The following LRRC72 variants were observed in gnomAD, a reference collection of about 807,000 sequenced individuals.
LRRC72 encodes the protein leucine rich repeat containing 72, also known as leucine-rich repeat-containing protein 72.
A neutral mutation model predicts 35.8 loss-of-function variants in LRRC72; 41 were observed. The ratio of observed to expected loss-of-function variants is 1.15; its 90% CI spans 0.89 to 1.49. The LOEUF is 1.49. Among genes scored for constraint, LRRC72 ranks in the 40% most tolerant of loss-of-function variants. The pLI is 0.00. For missense variants in LRRC72, 389 were observed against 330.7 expected, an observed-to-expected ratio of 1.18 and a Z score of -1.37; for synonymous variants, 118 against 119.2, an observed-to-expected ratio of 0.99 and a Z score of 0.07.
At chr7:16,533,484 T>G (rs1782202896) in intron 2 of LRRC72, among the ~76,000 whole-genome samples, 1 of 152,142 alleles carries the variant, frequency 6.6e-6, no homozygotes, top group African/African-American at 2.4e-5. Context: ...CCCCTTACTT[T>G]GTGCTTTTTA....
rs538487365 is a variant in LRRC72 at position 16,562,152 on chromosome 7, C to T, written c.427+3153C>T. ...GCTGCAGAGTGTGAGGTCCTGGGAA[C>T]TGGAATTCCTGTCTTCAGGCAGAGT... On this transcript the variant is annotated intron_variant, in intron 5 of 8. Coordinates refer to ENST00000401542, the MANE Select transcript of LRRC72 (RefSeq NM_001195280.2). Among the ~76,000 whole-genome samples the T allele has an allele frequency of 3.9e-5, 6 of 152,262 alleles. No homozygotes were observed. In the South Asian group the frequency reaches 1.2e-3, roughly 32 times the overall value.
chr7:16,530,411 T>C (rs1412659365), intron 1 of LRRC72: 1 of 152,236 alleles, frequency 6.6e-6, no homozygotes, highest in Non-Finnish European at 1.5e-5. Context: ...TATCCACCCC[T>C]GTTGGCGAGG....
chr7:16,573,310 T>A (rs1316117875), intron 7 of LRRC72, among the ~76,000 whole-genome samples: 1 of 152,058 alleles, frequency 6.6e-6, no homozygotes, highest in Admixed American at 6.5e-5. Context: ...CTACTTTAAA[T>A]TTCATATGGA....
chr7:16,543,451 AT>A (rs1782394292), intron 3 of LRRC72, among the ~76,000 whole-genome samples: 1 of 152,218 alleles, frequency 6.6e-6, no homozygotes, highest in African/African-American at 2.4e-5. Flanking sequence ...AATCCACAAT[AT>A]TTATTGAAGT....
At chr7:16,556,270 G>C (rs971221104) in intron 3 of LRRC72, among the ~76,000 whole-genome samples, 1 of 152,156 alleles carries the variant, frequency 6.6e-6, no homozygotes, top group Non-Finnish European at 1.5e-5. Flanking sequence ...TCACTATATT[G>C]TTAGGAGAGT....
chr7:16,548,782 G>A (rs10274600), intron 3 of LRRC72, among the ~76,000 whole-genome samples: 14,763 of 152,280 alleles, frequency 0.097, 792 homozygotes, highest in East Asian at 0.15. Context: ...CAAAACTCAG[G>A]CAAAGGTGCC....
intron 3 of LRRC72, among the ~76,000 whole-genome samples, chr7:16,557,060 C>G (rs6968649): frequency 0.45 from 68,799 of 151,832 alleles, 16,152 homozygotes; most frequent in African/African-American, 0.54. Flanking sequence ...ATATTGTCAG[C>G]GCAAAAGGGC....
chr7:16,536,574 G>A (rs368983563), intron 2 of LRRC72, among the ~76,000 whole-genome samples: 44 of 151,362 alleles, frequency 2.9e-4, no homozygotes, highest in African/African-American at 6.1e-4. Context: ...TAAAAATTAC[G>A]ATGGTTATAC....
At chr7:16,548,895 A>T (rs1782498726) in intron 3 of LRRC72, among the ~76,000 whole-genome samples, 2 of 152,238 alleles carry the variant, frequency 1.3e-5, no homozygotes, top group Admixed American at 1.3e-4. Context: ...AACTTAGGTC[A>T]TAATATATAG....
chr7:16,555,295 A>T (rs1413684409), intron 3 of LRRC72, among the ~76,000 whole-genome samples: 2 of 152,244 alleles, frequency 1.3e-5, no homozygotes, highest in Non-Finnish European at 2.9e-5. Flanking sequence ...ATATAAAAAC[A>T]AAGTAAAGAA....
chr7:16,566,974 T>G (rs757654641), intron 6 of LRRC72, among the ~76,000 whole-genome samples: 3 of 152,126 alleles, frequency 2.0e-5, no homozygotes, highest in Non-Finnish European at 4.4e-5. Flanking sequence ...ATATTATCTA[T>G]CTACTTACCT....
At chr7:16,548,730 C>T (rs1394424742) in intron 3 of LRRC72, among the ~76,000 whole-genome samples, 2 of 152,214 alleles carry the variant, frequency 1.3e-5, no homozygotes, top group Non-Finnish European at 2.9e-5. Context: ...CTGAGCACAG[C>T]CTTCCAGGCT....
chr7:16,553,236 G>A (rs896122255), intron 3 of LRRC72, among the ~76,000 whole-genome samples: 2 of 152,124 alleles, frequency 1.3e-5, no homozygotes, highest in Non-Finnish European at 2.9e-5. Context: ...GTAACTTCTG[G>A]ATGGTTTAGA....
At chr7:16,574,058 A>G (rs182142047) in intron 7 of LRRC72, among the ~76,000 whole-genome samples, 16 of 152,352 alleles carry the variant, frequency 1.1e-4, no homozygotes, top group African/African-American at 3.4e-4. Flanking sequence ...AAAGCTCATC[A>G]TCACTGGTTA....
At position 16,537,641 on chromosome 7, in the gene LRRC72, T is replaced by G; in HGVS notation, c.179T>G (p.Val60Gly). 5 of 1,527,832 alleles carry G rather than the reference T, an allele frequency of 3.3e-6. No individual in the cohort carries two copies. The South Asian group carries it at 6.2e-5, about 19-fold the overall frequency. 94.6% of individuals were successfully genotyped at this position (1,527,832 alleles called of 1,614,324 possible). A position where few individuals can be genotyped will look rare whatever the true frequency, so the allele number is the denominator to read the frequency against. The change falls in exon 3 of 9, where the codon GTC becomes GGC. Residue 60 changes from valine (V) to glycine (G), a missense_variant. Physicochemically the swap from Val to Gly is moderately radical, Grantham distance 109. Transcript: ENST00000401542. ...LFLSKKELTE[V>G]IDLSRFKKLK... is the part of the protein sequence containing the mutation. ...TTTCTTTCCAGGGAACTGACAGAGG[T>G]CATTGATCTTTCTAGGTTTAAAAAA...
chr7:16,579,659 T>A (rs1039309616), intron 7 of LRRC72, among the ~76,000 whole-genome samples: 1 of 152,212 alleles, frequency 6.6e-6, no homozygotes, highest in Non-Finnish European at 1.5e-5. Flanking sequence ...GAAATGTTCC[T>A]AAATATTTCC....
intron 7 of LRRC72, among the ~76,000 whole-genome samples, chr7:16,571,669 C>G (rs1782948258): frequency 6.6e-6 from 1 of 152,196 alleles, no homozygotes; most frequent in African/African-American, 2.4e-5. Flanking sequence ...GGCCCAGATA[C>G]TACACTTTTC....
At chr7:16,561,008 C>G (rs1583647450) in intron 5 of LRRC72, among the ~76,000 whole-genome samples, 1 of 152,140 alleles carries the variant, frequency 6.6e-6, no homozygotes, top group South Asian at 2.1e-4. Flanking sequence ...AGAGATTTAA[C>G]CAAACTCCTA....
intron 5 of LRRC72, among the ~76,000 whole-genome samples, chr7:16,561,837 A>G (rs1354390552): frequency 6.6e-6 from 1 of 152,236 alleles, no homozygotes; most frequent in Non-Finnish European, 1.5e-5. Flanking sequence ...TTAAGTTTCT[A>G]TGAGCCTCAT....
Sources: allele counts gnomAD v4.1 joint callset (sites outside exome capture counted in the v4.1 genomes callset), GRCh38; gene constraint gnomAD v4.1.1; transcripts MANE v1.5; gene names NCBI Gene and HGNC (gene_info 2026-07-23, HGNC 2026-07-21).